The following PLXDC2 variants were observed in gnomAD, a reference collection of about 807,000 sequenced individuals.
PLXDC2 encodes plexin domain-containing protein 2.
In PLXDC2, 40 loss-of-function variants were observed where a neutral mutation model predicts 68.9. The observed-to-expected ratio is 0.58, with a 90% CI of 0.45 to 0.76. The LOEUF is 0.76. Ranked by LOEUF, PLXDC2 falls within the 30% of genes least tolerant of loss-of-function variation. The pLI is 0.00. For synonymous variants in PLXDC2, 243 were observed against 234.2 expected (o/e 1.04, Z -0.34); for missense variants, 644 against 661.9 (o/e 0.97, Z 0.30).
chr10:19,886,219 C>T lies in PLXDC2; in HGVS notation c.112+69028C>T, dbSNP rs199512178. 9.0e-3 allele frequency among the ~76,000 whole-genome samples: 1,369 copies of T among 152,126 alleles called. 32 individuals are homozygous for T. Among genetic ancestry groups the T allele is most frequent in the Admixed American group, 0.046 (703 of 15,258 alleles). ...ACATTGATTTTGTATCCTGAGACTT[C>T]GCTGAAGTTGCTTATCAGCTTAAGG... is the stretch of plus-strand genomic sequence containing the variant. On this transcript the variant is annotated intron_variant, in intron 1 of 13. Coordinates refer to ENST00000377252, the MANE Select transcript of PLXDC2 (RefSeq NM_032812.9).
rs528930010 is a variant in PLXDC2 at position 20,206,483 on chromosome 10, AGT to A, written c.1062-5181_1062-5180del. ...GTTGGGTAGGCCAGCCGTATGTAAT[AGT>A]GTGTTCAAAGGTAGAGTCATGAAAG... On this transcript the variant is annotated intron_variant, in intron 9 of 13. Coordinates refer to ENST00000377252, the MANE Select transcript of PLXDC2 (RefSeq NM_032812.9). Among the ~76,000 whole-genome samples the A allele has an allele frequency of 7.9e-5, 12 of 152,140 alleles. No individual in the cohort carries two copies. The East Asian group carries it at 2.3e-3, about 30-fold the overall frequency.
At chr10:19,827,359 C>G (rs369018103) in intron 1 of PLXDC2, among the ~76,000 whole-genome samples, 1 of 152,130 alleles carries the variant, frequency 6.6e-6, no homozygotes, top group Non-Finnish European at 1.5e-5. Flanking sequence ...GAGGTTCTTT[C>G]CTTTTCCAGA....
At chr10:20,093,018 A>C (rs2131732151) in intron 4 of PLXDC2, among the ~76,000 whole-genome samples, 1 of 152,302 alleles carries the variant, frequency 6.6e-6, no homozygotes, top group African/African-American at 2.4e-5. Context: ...CAGTGAAAGA[A>C]TAAATGCATG....
chr10:20,041,396 T>C (rs1183987669), intron 2 of PLXDC2, among the ~76,000 whole-genome samples: 1 of 151,782 alleles, frequency 6.6e-6, no homozygotes, highest in Non-Finnish European at 1.5e-5. Flanking sequence ...TACCAGCTTA[T>C]TGAATTTTTT....
chr10:20,154,437 G>A (rs778727807), intron 6 of PLXDC2, among the ~76,000 whole-genome samples: 9 of 151,934 alleles, frequency 5.9e-5, no homozygotes, highest in Non-Finnish European at 7.4e-5. Flanking sequence ...GGTGGTGCAC[G>A]CCTGTAATCC....
intron 12 of PLXDC2, among the ~76,000 whole-genome samples, chr10:20,232,376 A>G (rs1375071457): frequency 6.6e-6 from 1 of 152,104 alleles, no homozygotes; most frequent in Non-Finnish European, 1.5e-5. Flanking sequence ...TAAAAAGAAA[A>G]CATGTCCACA....
chr10:20,171,660 T>C (rs1834447776), intron 7 of PLXDC2, among the ~76,000 whole-genome samples: 1 of 152,168 alleles, frequency 6.6e-6, no homozygotes, highest in East Asian at 1.9e-4. Flanking sequence ...GATTAATCAA[T>C]TTTTACATAT....
chr10:19,980,564 T>G (rs1834535626), intron 1 of PLXDC2, among the ~76,000 whole-genome samples: 1 of 152,190 alleles, frequency 6.6e-6, no homozygotes. Flanking sequence ...TCACATGGCA[T>G]TTCCTTGGTT....
At chr10:19,888,792 G>A (rs1355863760) in intron 1 of PLXDC2, among the ~76,000 whole-genome samples, 1 of 151,992 alleles carries the variant, frequency 6.6e-6, no homozygotes, top group East Asian at 1.9e-4. Flanking sequence ...GTAAAATCAA[G>A]GAAAGCACGG....
chr10:20,126,437 C>A (rs1354810934), intron 4 of PLXDC2, among the ~76,000 whole-genome samples: 2 of 102,982 alleles, frequency 1.9e-5, no homozygotes, highest in African/African-American at 6.1e-5. Context: ...GTATATACAA[C>A]ACACGTTATA....
At chr10:19,857,834 A>T (rs557208103) in intron 1 of PLXDC2, among the ~76,000 whole-genome samples, 1 of 152,206 alleles carries the variant, frequency 6.6e-6, no homozygotes, top group Non-Finnish European at 1.5e-5. Flanking sequence ...TATTTACCCA[A>T]TTTATAATGA....
At chr10:20,100,473 G>A (rs1476638737) in intron 4 of PLXDC2, among the ~76,000 whole-genome samples, 2 of 152,158 alleles carry the variant, frequency 1.3e-5, no homozygotes, top group Non-Finnish European at 2.9e-5. Flanking sequence ...AAGGGTGGAA[G>A]TACAATGAAC....
intron 2 of PLXDC2, among the ~76,000 whole-genome samples, chr10:20,018,344 T>C (rs899053167): frequency 2.6e-5 from 4 of 152,228 alleles, no homozygotes; most frequent in Non-Finnish European, 5.9e-5. Context: ...CTTGGATATA[T>C]ATTCCAGACT....
At chr10:19,837,575 A>G (rs1005563018) in intron 1 of PLXDC2, among the ~76,000 whole-genome samples, 2 of 152,170 alleles carry the variant, frequency 1.3e-5, no homozygotes, top group Admixed American at 6.5e-5. Context: ...AGGTGGTTAC[A>G]TAGTTTGTGC....
At chr10:20,130,233 A>G (rs1833849168) in intron 4 of PLXDC2, among the ~76,000 whole-genome samples, 1 of 151,842 alleles carries the variant, frequency 6.6e-6, no homozygotes, top group African/African-American at 2.4e-5. Flanking sequence ...ATCTCTTTGG[A>G]TAAAATTATT....
intron 1 of PLXDC2, among the ~76,000 whole-genome samples, chr10:19,874,487 A>G (rs1389496533): frequency 2.0e-5 from 3 of 152,186 alleles, no homozygotes; most frequent in Non-Finnish European, 4.4e-5. Context: ...GTTGTAAAAG[A>G]CATTGTAATG....
chr10:20,252,256 A>G (rs1323802956), intron 13 of PLXDC2, among the ~76,000 whole-genome samples: 1 of 152,222 alleles, frequency 6.6e-6, no homozygotes, highest in Non-Finnish European at 1.5e-5. Flanking sequence ...AAATCTGACT[A>G]GTCTAGAACA....
chr10:20,141,268 G>A (rs1834003615), intron 4 of PLXDC2, among the ~76,000 whole-genome samples: 2 of 141,630 alleles, frequency 1.4e-5, no homozygotes, highest in South Asian at 2.4e-4. Flanking sequence ...ACATTGAGGG[G>A]AAAGTACATA....
At chr10:19,977,704 A>G (rs1414172358) in intron 1 of PLXDC2, among the ~76,000 whole-genome samples, 2 of 151,898 alleles carry the variant, frequency 1.3e-5, no homozygotes, top group African/African-American at 4.8e-5. Flanking sequence ...GGGTTTGCAG[A>G]TGGCTGCCTT....
Sources: gnomAD v4.1 joint callset for allele counts (sites outside exome capture counted in the v4.1 genomes callset) on GRCh38, gnomAD v4.1.1 for gene constraint, MANE v1.5 for transcripts, NCBI Gene and HGNC (gene_info 2026-07-23, HGNC 2026-07-21) for gene names.